Variants in NGEF observed in about 807,000 individuals in gnomAD.
NGEF encodes the protein ephexin-1.
NGEF carries 31 observed loss-of-function variants against 80.9 expected under a neutral mutation model. The observed-to-expected ratio is 0.38, with a 90% CI of 0.29 to 0.52. The LOEUF (loss-of-function observed/expected upper bound fraction) is 0.52. Among genes scored for constraint, NGEF ranks in the 20% least tolerant of loss-of-function variants. NGEF has a pLI of 0.84. For missense variants in NGEF, 709 were observed against 926.2 expected (o/e 0.77, Z 3.04); for synonymous variants, 371 against 370.2 (o/e 1.00, Z -0.03).
chr2:232,950,430 T>A (rs926546240), intron 3 of NGEF, among the ~76,000 whole-genome samples: 1 of 152,188 alleles, frequency 6.6e-6, no homozygotes, highest in Non-Finnish European at 1.5e-5. Context: ...AGGTGCTGAG[T>A]GTGGCAGTGG....
chr2:232,886,239 T>C (rs1220163919), intron 9 of NGEF, among the ~76,000 whole-genome samples: 1 of 88,064 alleles, frequency 1.1e-5, no homozygotes, highest in Non-Finnish European at 2.4e-5. Flanking sequence ...GTGCTGTGTG[T>C]GTGTGCAGTG....
At chr2:232,978,281 AGG>A (rs912415394) in intron 1 of NGEF, among the ~76,000 whole-genome samples, 2 of 151,416 alleles carry the variant, frequency 1.3e-5, no homozygotes, top group African/African-American at 4.9e-5. Context: ...GCACAGGCTG[AGG>A]GGGGGGATCA....
chr2:232,902,423 T>C (rs1426856808), intron 5 of NGEF, among the ~76,000 whole-genome samples: 1 of 152,120 alleles, frequency 6.6e-6, no homozygotes, highest in Non-Finnish European at 1.5e-5. Context: ...GAGTGGGGGC[T>C]TGGCTGTCTG....
intron 3 of NGEF, among the ~76,000 whole-genome samples, chr2:232,947,819 C>T (rs528066556): frequency 1.6e-4 from 24 of 152,234 alleles, no homozygotes; most frequent in African/African-American, 5.5e-4. Flanking sequence ...GATAAGAGGC[C>T]TGTATTTTTA....
At chr2:232,928,120 C>T in intron 3 of NGEF, 1 of 1,012,816 alleles carries the variant, frequency 9.9e-7, no homozygotes. Context: ...TCGACCGGAG[C>T]TGCAGCCGCC....
intron 1 of NGEF, among the ~76,000 whole-genome samples, chr2:232,993,683 C>T (rs573132817): frequency 2.6e-5 from 4 of 152,118 alleles, no homozygotes; most frequent in East Asian, 3.9e-4. Flanking sequence ...GTCTGTCAGC[C>T]GATGAATGGG....
intron 4 of NGEF, among the ~76,000 whole-genome samples, chr2:232,925,363 ACT>A (rs1693038606): frequency 6.6e-6 from 1 of 152,096 alleles, no homozygotes; most frequent in Non-Finnish European, 1.5e-5. Context: ...GTCAGTCAAC[ACT>A]CTGTTGAGCT....
intron 1 of NGEF, among the ~76,000 whole-genome samples, chr2:233,004,469 C>T (rs1391732503): frequency 6.6e-6 from 1 of 152,236 alleles, no homozygotes; most frequent in Admixed American, 6.5e-5. Flanking sequence ...AGCTGCCCTT[C>T]AGCCCCCTGG....
intron 1 of NGEF, among the ~76,000 whole-genome samples, chr2:233,007,099 C>T (rs1695100572): frequency 6.6e-6 from 1 of 151,994 alleles, no homozygotes; most frequent in Non-Finnish European, 1.5e-5. Context: ...CAAAAATTAG[C>T]CAGATGTGAT....
intron 1 of NGEF, among the ~76,000 whole-genome samples, chr2:233,005,269 G>A (rs1358578064): frequency 6.6e-6 from 1 of 152,196 alleles, no homozygotes; most frequent in African/African-American, 2.4e-5. Flanking sequence ...GAGCTGGCAG[G>A]TCGCTCCGCA....
At chr2:232,887,662 T>C (rs1407298778) in intron 9 of NGEF, among the ~76,000 whole-genome samples, 4 of 152,112 alleles carry the variant, frequency 2.6e-5, no homozygotes, top group Non-Finnish European at 5.9e-5. Flanking sequence ...CCCAGATGCC[T>C]GCAAAGAACA....
intron 3 of NGEF, among the ~76,000 whole-genome samples, chr2:232,949,913 G>A (rs1023889795): frequency 1.3e-5 from 2 of 151,896 alleles, no homozygotes; most frequent in African/African-American, 4.8e-5. Context: ...CTGGGTTCAA[G>A]TGATTCTCCT....
chr2:232,994,161 G>C (rs1251313366), intron 1 of NGEF, among the ~76,000 whole-genome samples: 1 of 152,188 alleles, frequency 6.6e-6, no homozygotes, highest in African/African-American at 2.4e-5. Flanking sequence ...CTTGAGGTAC[G>C]GAGTTCAAGA....
chr2:233,011,119 C>A (rs1003087224), intron 1 of NGEF, among the ~76,000 whole-genome samples: 1 of 152,070 alleles, frequency 6.6e-6, no homozygotes, highest in Admixed American at 6.5e-5. Context: ...TTTCACCAAG[C>A]GGGGTTTCTG....
At chr2:233,009,985 C>A (rs757879221) in intron 1 of NGEF, among the ~76,000 whole-genome samples, 2 of 152,186 alleles carry the variant, frequency 1.3e-5, no homozygotes, top group Non-Finnish European at 2.9e-5. Context: ...GCAACCTCTG[C>A]CTCCTGGGTT....
intron 3 of NGEF, among the ~76,000 whole-genome samples, chr2:232,947,132 A>G (rs1693576514): frequency 6.6e-6 from 1 of 152,242 alleles, no homozygotes; most frequent in African/African-American, 2.4e-5. Context: ...ACTTATTAGT[A>G]GCAAAAGGAA....
At chr2:232,936,964 A>G (rs1421373511) in intron 3 of NGEF, among the ~76,000 whole-genome samples, 1 of 145,964 alleles carries the variant, frequency 6.9e-6, no homozygotes, top group Non-Finnish European at 1.5e-5. Flanking sequence ...GATTTATTTT[A>G]TTTTATTTAT....
intron 1 of NGEF, among the ~76,000 whole-genome samples, chr2:232,976,022 G>A (rs1361109882): frequency 6.6e-6 from 1 of 152,158 alleles, no homozygotes; most frequent in Non-Finnish European, 1.5e-5. Flanking sequence ...CCAACATGGA[G>A]AAACCCTGTC....
intron 3 of NGEF, among the ~76,000 whole-genome samples, chr2:232,934,029 G>T (rs1395613235): frequency 2.6e-5 from 4 of 152,072 alleles, no homozygotes; most frequent in African/African-American, 9.7e-5. Flanking sequence ...GGATCACAAG[G>T]TCAGGAGATT....
Sources: gnomAD v4.1 joint callset for allele counts (sites outside exome capture counted in the v4.1 genomes callset) on GRCh38, gnomAD v4.1.1 for gene constraint, MANE v1.5 for transcripts, NCBI Gene and HGNC (gene_info 2026-07-23, HGNC 2026-07-21) for gene names.